SLC26A7: variants seen among roughly 807,000 people sequenced by gnomAD.
SLC26A7 encodes anion exchange transporter.
In SLC26A7, 59 loss-of-function variants were observed where a neutral mutation model predicts 82.5. That is an observed-to-expected ratio of 0.72 (90% CI 0.58 to 0.89). The LOEUF is 0.89. Ranked by LOEUF, SLC26A7 falls within the 40% of genes least tolerant of loss-of-function variation. The pLI is 0.00. For missense variants in SLC26A7, 820 were observed against 793.0 expected (o/e 1.03, Z -0.41); for synonymous variants, 271 against 274.3 (o/e 0.99, Z 0.12).
chr8:91,380,324 C>T (rs1205290864), intron 15 of SLC26A7, among the ~76,000 whole-genome samples: 1 of 151,938 alleles, frequency 6.6e-6, no homozygotes, highest in Non-Finnish European at 1.5e-5. Flanking sequence ...AGTAATGGTA[C>T]CCAACTCTAA....
chr8:91,311,203 A>T lies in SLC26A7; in HGVS notation c.478-7013A>T, dbSNP rs1354806698. Among the ~76,000 whole-genome samples the T allele has an allele frequency of 3.3e-5, 5 of 152,184 alleles. No homozygotes were observed. In the South Asian group the frequency reaches 1.0e-3, roughly 31 times the overall value. Reference sequence around the variant, plus strand: ...AGTCATTTTCAAAATTATTTATGTTAGCACATTCTTTTGCCACCCACTTCA... The same window carrying T: ...AGTCATTTTCAAAATTATTTATGTTTGCACATTCTTTTGCCACCCACTTCA... On this transcript the variant is annotated intron_variant, in intron 4 of 18. Transcript: ENST00000276609.
intron 9 of SLC26A7, among the ~76,000 whole-genome samples, chr8:91,350,957 C>G (rs891517623): frequency 1.3e-5 from 2 of 152,008 alleles, no homozygotes; most frequent in Admixed American, 1.3e-4. Flanking sequence ...TTTTTGCCAG[C>G]CTTTGATATT....
At chr8:91,284,593 C>G (rs991153976) in intron 2 of SLC26A7, among the ~76,000 whole-genome samples, 4 of 152,218 alleles carry the variant, frequency 2.6e-5, no homozygotes, top group East Asian at 3.9e-4. Context: ...GAGAATATTG[C>G]CTTGAGAATC....
intron 15 of SLC26A7, among the ~76,000 whole-genome samples, chr8:91,383,798 T>A (rs1481677848): frequency 2.0e-5 from 3 of 152,148 alleles, no homozygotes; most frequent in African/African-American, 7.2e-5. Context: ...TAACTTCCAA[T>A]CATTATCAAG....
chr8:91,293,345 G>C (rs1442988224), intron 3 of SLC26A7, among the ~76,000 whole-genome samples: 1 of 152,222 alleles, frequency 6.6e-6, no homozygotes, highest in Non-Finnish European at 1.5e-5. Context: ...GGCAAAGATA[G>C]AGAATTAGTA....
intron 2 of SLC26A7, among the ~76,000 whole-genome samples, chr8:91,221,884 A>T (rs1356859356): frequency 6.7e-6 from 1 of 150,248 alleles, no homozygotes; most frequent in Non-Finnish European, 1.5e-5. Context: ...GAAATTTAAA[A>T]TAGTTTTTTT....
At position 91,368,441 on chromosome 8, in the gene SLC26A7, C is replaced by G. The variant is rs1041465503; in HGVS notation, c.1627-1344C>G. Among the ~76,000 whole-genome samples, 4 of 144,742 alleles carry G rather than the reference C, an allele frequency of 2.8e-5. No individual in the cohort carries two copies. In the Admixed American group the frequency reaches 2.8e-4, roughly 10 times the overall value. 95.0% of individuals were successfully genotyped at this position (144,742 alleles called of 152,430 possible). A position where few individuals can be genotyped will look rare whatever the true frequency, so the allele number is the denominator to read the frequency against. On this transcript the variant is annotated intron_variant, in intron 14 of 18. Transcript: ENST00000276609. ...TTTTTTTTTGTTTTTTTTTTTGAGA[C>G]GGAGTCTCATACTGTCACCTAGGCT...
intron 16 of SLC26A7, among the ~76,000 whole-genome samples, chr8:91,393,353 G>A (rs892536399): frequency 2.0e-5 from 3 of 152,066 alleles, no homozygotes; most frequent in African/African-American, 7.2e-5. Flanking sequence ...GGATTATAGT[G>A]AGGTTCTCAA....
chr8:91,272,843 C>T (rs1007330372), intron 2 of SLC26A7, among the ~76,000 whole-genome samples: 2 of 152,256 alleles, frequency 1.3e-5, no homozygotes, highest in East Asian at 3.9e-4. Flanking sequence ...CAGCAGCTTA[C>T]ATTACATGCT....
At position 91,295,662 on chromosome 8, in the gene SLC26A7, C is replaced by G. The variant is rs762652637; in HGVS notation, c.436C>G (p.His146Asp). ...ATCCGACTTTGAAATGCAAAGGATC[C>G]ACGTTGCTGCAGCAGTTTCCTTCTT... ...GLSDFEMQRI[H>D]VAAAVSFLGG... Residue 146 changes from histidine to aspartate, a missense_variant, in exon 4 of 19, where the codon CAC becomes GAC. His to Asp is a moderately conservative substitution (Grantham distance 81). Transcript: ENST00000276609. 3.1e-6 allele frequency: 5 copies of G among 1,613,846 alleles called. No homozygotes were observed. The Admixed American group carries it at 8.3e-5, about 27-fold the overall frequency.
At chr8:91,383,366 G>C (rs6983587) in intron 15 of SLC26A7, among the ~76,000 whole-genome samples, 8 of 152,212 alleles carry the variant, frequency 5.3e-5, no homozygotes, top group Non-Finnish European at 8.8e-5. Flanking sequence ...GTAAACTTAA[G>C]CTAAATAAAG....
chr8:91,316,343 C>T (rs895082197), intron 4 of SLC26A7, among the ~76,000 whole-genome samples: 8 of 151,622 alleles, frequency 5.3e-5, no homozygotes, highest in South Asian at 2.1e-4. Context: ...CCTGCAGTAG[C>T]GTGACCACAG....
chr8:91,288,655 GGCC>G (rs1811776130), intron 2 of SLC26A7, among the ~76,000 whole-genome samples: 1 of 152,166 alleles, frequency 6.6e-6, no homozygotes, highest in African/African-American at 2.4e-5. Flanking sequence ...CTGTGCAGCT[GGCC>G]AACCAGCCAA....
chr8:91,274,095 G>A (rs887353768), intron 2 of SLC26A7, among the ~76,000 whole-genome samples: 1 of 152,286 alleles, frequency 6.6e-6, no homozygotes, highest in Non-Finnish European at 1.5e-5. Context: ...ATAATACCTA[G>A]TACACAGAGT....
chr8:91,388,721 C>A (rs951361032), intron 15 of SLC26A7, among the ~76,000 whole-genome samples: 1 of 152,182 alleles, frequency 6.6e-6, no homozygotes, highest in East Asian at 1.9e-4. Flanking sequence ...AAAAAGAGGT[C>A]ATGAACTCCT....
At chr8:91,356,929 A>C (rs1813886329) in intron 11 of SLC26A7, among the ~76,000 whole-genome samples, 1 of 152,214 alleles carries the variant, frequency 6.6e-6, no homozygotes, top group Non-Finnish European at 1.5e-5. Context: ...GAGGTAGAGC[A>C]GCCCGCAGTT....
chr8:91,303,912 GT>G (rs1317658225), intron 4 of SLC26A7, among the ~76,000 whole-genome samples: 1 of 152,138 alleles, frequency 6.6e-6, no homozygotes, highest in African/African-American at 2.4e-5. Flanking sequence ...ATGTTTCACT[GT>G]TTTACAACCA....
intron 2 of SLC26A7, among the ~76,000 whole-genome samples, chr8:91,281,736 C>T (rs1055244694): frequency 7.9e-5 from 12 of 152,112 alleles, no homozygotes; most frequent in Admixed American, 6.5e-5. Context: ...AATCATCTCC[C>T]TCCCACTCTC....
chr8:91,335,165 T>C (rs1222368756), intron 6 of SLC26A7, among the ~76,000 whole-genome samples: 1 of 152,176 alleles, frequency 6.6e-6, no homozygotes, highest in Non-Finnish European at 1.5e-5. Flanking sequence ...CTTTGAGTTA[T>C]ACATGTATAT....
Sources: allele counts gnomAD v4.1 joint callset (sites outside exome capture counted in the v4.1 genomes callset), GRCh38; gene constraint gnomAD v4.1.1; transcripts MANE v1.5; gene names NCBI Gene and HGNC (gene_info 2026-07-23, HGNC 2026-07-21).